The following CACNB2 variants were observed in gnomAD, a reference collection of about 807,000 sequenced individuals.
CACNB2 encodes voltage-dependent L-type calcium channel subunit beta-2.
A neutral mutation model predicts 73.3 loss-of-function variants in CACNB2; 42 were observed. The ratio of observed to expected loss-of-function variants is 0.57; its 90% CI spans 0.45 to 0.74. The LOEUF (loss-of-function observed/expected upper bound fraction) is 0.74. CACNB2 is among the 30% of genes least tolerant of loss of function. The probability of loss-of-function intolerance (pLI) is 0.00; values close to 1 mark genes in which losing one functional copy is unlikely to be tolerated. For synonymous variants in CACNB2, 348 were observed against 310.3 expected (o/e 1.12, Z -1.28); for missense variants, 940 against 853.0 (o/e 1.10, Z -1.27).
chr10:18,234,122 G>A (rs2036333231), intron 2 of CACNB2: 1 of 152,302 alleles, frequency 6.6e-6, no homozygotes, highest in South Asian at 2.1e-4. Context: ...TCATGACTGA[G>A]ACACGTTCTC....
chr10:18,165,939 C>A (rs143356612), intron 2 of CACNB2, among the ~76,000 whole-genome samples: 4 of 152,116 alleles, frequency 2.6e-5, no homozygotes, highest in African/African-American at 9.6e-5. Flanking sequence ...TTTCTGGGTC[C>A]AAAATATTGT....
At chr10:18,401,582 G>A (rs1233229777) in intron 2 of CACNB2, among the ~76,000 whole-genome samples, 1 of 152,146 alleles carries the variant, frequency 6.6e-6, no homozygotes, top group East Asian at 1.9e-4. Flanking sequence ...CATGTAGATT[G>A]TTCTTGAAGC....
intron 3 of CACNB2, among the ~76,000 whole-genome samples, chr10:18,468,989 G>C (rs994133046): frequency 2.6e-5 from 4 of 152,218 alleles, no homozygotes; most frequent in Non-Finnish European, 5.9e-5. Flanking sequence ...TGGTTGCTAT[G>C]AAGAAGCAAA....
chr10:18,492,378 C>T (rs570948722), intron 3 of CACNB2, among the ~76,000 whole-genome samples: 66 of 152,150 alleles, frequency 4.3e-4, no homozygotes, highest in African/African-American at 7.5e-4. Context: ...CCCAGCACTT[C>T]GGGAAGCCGA....
Position 18,140,803 on chromosome 10 carries a change from A to G in CACNB2, c.67A>G (p.Met23Val). 2 of 1,604,268 alleles carry G rather than the reference A, an allele frequency of 1.2e-6. No individual in the cohort carries two copies. Among genetic ancestry groups the G allele is most frequent in the Middle Eastern group, 1.7e-4 (1 of 5,970 alleles). Residue 23 changes from methionine (M) to valine (V), a missense_variant, in exon 1 of 14, where the codon ATG becomes GTG. Physicochemically the swap from Met to Val is conservative, Grantham distance 21. Coordinates refer to ENST00000324631, the MANE Select transcript of CACNB2 (RefSeq NM_201596.3). ...AAAAVAQEIQMELLENVAPAG... is the reference protein window; with the variant it reads ...AAAAVAQEIQVELLENVAPAG... ...GGCGGCGGTGGCGCAGGAGATCCAG[A>G]TGGAACTGCTAGAGAACGTGGCTCC...
rs1360690647 is a variant in CACNB2 at position 18,464,418 on chromosome 10, T to TTAAAAAAAAAA, written c.334-33937_334-33936insTAAAAAAAAAA. Among the ~76,000 whole-genome samples, 31 of 85,290 alleles carry TTAAAAAAAAAA rather than the reference T, an allele frequency of 3.6e-4. 2 individuals are homozygous for TTAAAAAAAAAA. Among genetic ancestry groups the TTAAAAAAAAAA allele is most frequent in the Non-Finnish European group, 5.3e-4 (23 of 43,376 alleles). 56.0% of individuals were successfully genotyped at this position (85,290 alleles called of 152,430 possible). A position where few individuals can be genotyped will look rare whatever the true frequency, so the allele number is the denominator to read the frequency against. On this transcript the variant is annotated intron_variant, in intron 3 of 13. Transcript: ENST00000324631. ...CAGAGTGAGACCCTGTCTCAAAAAT[T>TTAAAAAAAAAA]AAAAAAAAAAAAAAAAAAAAAAGAA...
chr10:18,419,770 G>A (rs145151120), intron 3 of CACNB2, among the ~76,000 whole-genome samples: 1,532 of 152,260 alleles, frequency 0.01, 30 homozygotes, highest in African/African-American at 0.035. Flanking sequence ...ATCTTAAATG[G>A]AATGCTGGCT....
chr10:18,401,148 C>G, intron 2 of CACNB2: 1 of 1,610,648 alleles, frequency 6.2e-7, no homozygotes, highest in South Asian at 1.1e-5. Context: ...TTTGTCTCTG[C>G]TTTTCTGTTG....
chr10:18,364,300 ATT>A (rs10611857), intron 2 of CACNB2, among the ~76,000 whole-genome samples: 41,543 of 145,144 alleles, frequency 0.29, 6,291 homozygotes, highest in East Asian at 0.66. Context: ...TTTTTAACTA[ATT>A]TTTTTTTTTT....
At chr10:18,301,837 C>CG (rs528569230) in intron 2 of CACNB2, among the ~76,000 whole-genome samples, 3,216 of 151,706 alleles carry the variant, frequency 0.021, 59 homozygotes, top group Non-Finnish European at 0.027. Context: ...TTAGTAGAGA[C>CG]GGGGTTTCAC....
intron 2 of CACNB2, among the ~76,000 whole-genome samples, chr10:18,239,779 A>T (rs184088669): frequency 2.0e-5 from 3 of 152,324 alleles, no homozygotes; most frequent in South Asian, 4.1e-4. Context: ...CATGGATCTT[A>T]GTTCTTCTAG....
chr10:18,200,135 C>A (rs897686181), intron 2 of CACNB2, among the ~76,000 whole-genome samples: 1 of 152,044 alleles, frequency 6.6e-6, no homozygotes, highest in African/African-American at 2.4e-5. Flanking sequence ...CTAAAAATTA[C>A]TAAAAAGTTC....
chr10:18,410,639 C>T (rs2044568729), intron 3 of CACNB2, among the ~76,000 whole-genome samples: 1 of 151,974 alleles, frequency 6.6e-6, no homozygotes, highest in East Asian at 1.9e-4. Flanking sequence ...CTGGAGAATC[C>T]AGAGAATAGG....
chr10:18,145,138 C>T (rs1183103310), intron 1 of CACNB2, among the ~76,000 whole-genome samples: 1 of 152,210 alleles, frequency 6.6e-6, no homozygotes, highest in Admixed American at 6.5e-5. Flanking sequence ...CCCAGCCCAG[C>T]CGAGTCTGCC....
chr10:18,243,495 G>A (rs536791430), intron 2 of CACNB2, among the ~76,000 whole-genome samples: 18 of 152,278 alleles, frequency 1.2e-4, no homozygotes, highest in Admixed American at 7.2e-4. Context: ...GATGTAGTTC[G>A]TGCCTCCCAA....
At chr10:18,211,889 A>G (rs1332221180) in intron 2 of CACNB2, among the ~76,000 whole-genome samples, 2 of 152,146 alleles carry the variant, frequency 1.3e-5, no homozygotes, top group African/African-American at 2.4e-5. Flanking sequence ...CCCATTACCA[A>G]CAATGACATT....
chr10:18,347,268 C>T (rs1735592612), intron 2 of CACNB2, among the ~76,000 whole-genome samples: 2 of 151,810 alleles, frequency 1.3e-5, no homozygotes, highest in Non-Finnish European at 1.5e-5. Context: ...ACCTCCGCCT[C>T]CCAGATGTAA....
At chr10:18,306,646 C>A (rs1419410214) in intron 2 of CACNB2, among the ~76,000 whole-genome samples, 2 of 152,080 alleles carry the variant, frequency 1.3e-5, no homozygotes, top group Non-Finnish European at 2.9e-5. Context: ...TTTGCAGTAA[C>A]CCCAGAGAAA....
intron 2 of CACNB2, among the ~76,000 whole-genome samples, chr10:18,266,000 T>G (rs1351298773): frequency 6.6e-6 from 1 of 152,206 alleles, no homozygotes; most frequent in Non-Finnish European, 1.5e-5. Flanking sequence ...CCATAGTGTG[T>G]GATCACCTTT....
Sources: gnomAD v4.1 joint callset for allele counts (sites outside exome capture counted in the v4.1 genomes callset) on GRCh38, gnomAD v4.1.1 for gene constraint, MANE v1.5 for transcripts, NCBI Gene and HGNC (gene_info 2026-07-23, HGNC 2026-07-21) for gene names.